L3MBTL4: variants seen among roughly 807,000 people sequenced by gnomAD.
L3MBTL4 encodes the protein lethal(3)malignant brain tumor-like protein 4.
In L3MBTL4, 70 loss-of-function variants were observed where a neutral mutation model predicts 84.5. The observed-to-expected ratio is 0.83, with a 90% CI of 0.68 to 1.01. The LOEUF is 1.01. L3MBTL4 is among the 50% of genes least tolerant of loss of function. The probability of loss-of-function intolerance (pLI) is 0.00; values close to 1 mark genes in which losing one functional copy is unlikely to be tolerated. For synonymous variants in L3MBTL4, 274 were observed against 259.8 expected, an observed-to-expected ratio of 1.05 and a Z score of -0.52; for missense variants, 715 against 754.8, an observed-to-expected ratio of 0.95 and a Z score of 0.62.
chr18:6,215,640 T>A (rs925019751), intron 11 of L3MBTL4, 110 bp downstream of exon 11: 15 of 521,500 alleles, frequency 2.9e-5, no homozygotes, highest in Non-Finnish European at 5.0e-5. Flanking sequence ...ATGAAATTAC[T>A]ACTTGAATTT....
At position 6,414,713 on chromosome 18, in the gene L3MBTL4, C is replaced by T. The variant is rs2056124084; in HGVS notation, c.-91+88G>A. 6.6e-6 allele frequency: 1 copy of T among 151,918 alleles called. No homozygotes were observed. Among genetic ancestry groups the T allele is most frequent in the Non-Finnish European group, 1.5e-5 (1 of 67,974 alleles). 9.4% of individuals were successfully genotyped at this position (151,918 alleles called of 1,614,324 possible). A position where few individuals can be genotyped will look rare whatever the true frequency, so the allele number is the denominator to read the frequency against. On this transcript the variant is annotated intron_variant, in intron 1 of 18. Transcript: ENST00000317931. This position sits in a 1 kb window ranked among gnomAD's most constrained non-coding sequence, Gnocchi z 5.4. ...AGTCGTGCAGGCCCCTCTACCTGCC[C>T]GGGGATGGGGCCACCCCGCGCGGCG...
At chr18:6,391,717 G>C (rs781738938) in intron 1 of L3MBTL4, among the ~76,000 whole-genome samples, 1 of 133,154 alleles carries the variant, frequency 7.5e-6, no homozygotes, top group Middle Eastern at 4.0e-3. Context: ...AATCAAGAAC[G>C]CAATCCCTTT....
intron 10 of L3MBTL4, among the ~76,000 whole-genome samples, chr18:6,223,122 T>C (rs1311316033): frequency 3.9e-5 from 6 of 151,994 alleles, no homozygotes; most frequent in Admixed American, 3.9e-4. Flanking sequence ...TTCTAGAGAA[T>C]CTAAAAAAAC....
chr18:6,156,264 T>G (rs2043099498), intron 13 of L3MBTL4, among the ~76,000 whole-genome samples: 1 of 152,206 alleles, frequency 6.6e-6, no homozygotes, highest in Admixed American at 6.5e-5. Context: ...TATCTCTCCT[T>G]CTGGTGCCTT....
At chr18:6,062,266 T>G (rs1410377982) in intron 16 of L3MBTL4, among the ~76,000 whole-genome samples, 1 of 151,982 alleles carries the variant, frequency 6.6e-6, no homozygotes, top group Non-Finnish European at 1.5e-5. Flanking sequence ...TTATAGGTTG[T>G]GGGAAATTTC....
intron 1 of L3MBTL4, among the ~76,000 whole-genome samples, chr18:6,340,027 C>T (rs1056328325): frequency 1.3e-5 from 2 of 152,040 alleles, no homozygotes; most frequent in African/African-American, 4.8e-5. Context: ...CACATTCTTC[C>T]AGAGAACAGA....
intron 12 of L3MBTL4, among the ~76,000 whole-genome samples, chr18:6,202,696 A>G (rs1361498380): frequency 6.6e-6 from 1 of 152,180 alleles, no homozygotes; most frequent in Non-Finnish European, 1.5e-5. Context: ...GTAGACTGTA[A>G]GAATGACTCC....
chr18:6,038,877 G>GT (rs952392571), intron 16 of L3MBTL4, among the ~76,000 whole-genome samples: 2 of 152,124 alleles, frequency 1.3e-5, no homozygotes, highest in Middle Eastern at 3.4e-3. Flanking sequence ...ACCCCCTACG[G>GT]TTTTTGGAGA....
At chr18:6,184,416 C>A (rs1473883131) in intron 12 of L3MBTL4, among the ~76,000 whole-genome samples, 1 of 152,088 alleles carries the variant, frequency 6.6e-6, no homozygotes. Context: ...ATGTATAAAT[C>A]CAAATATGTC....
intron 16 of L3MBTL4, among the ~76,000 whole-genome samples, chr18:6,003,526 G>A (rs1213661808): frequency 6.6e-6 from 1 of 151,840 alleles, no homozygotes; most frequent in African/African-American, 2.4e-5. Context: ...AATAAACAGA[G>A]GACTTGTATG....
chr18:6,176,381 C>G (rs954436504), intron 12 of L3MBTL4, among the ~76,000 whole-genome samples: 4 of 152,072 alleles, frequency 2.6e-5, no homozygotes, highest in Non-Finnish European at 5.9e-5. Flanking sequence ...AAACAAAATA[C>G]TGCATATAAA....
intron 16 of L3MBTL4, among the ~76,000 whole-genome samples, chr18:6,028,648 T>C (rs2055628264): frequency 6.6e-6 from 1 of 152,236 alleles, no homozygotes. Flanking sequence ...TTTCATGATA[T>C]TGATTCTTCC....
At chr18:6,126,833 A>T (rs1458409749) in intron 14 of L3MBTL4, among the ~76,000 whole-genome samples, 1 of 152,214 alleles carries the variant, frequency 6.6e-6, no homozygotes, top group African/African-American at 2.4e-5. Flanking sequence ...GGTTCTTTAA[A>T]ATCAGATACT....
chr18:6,257,226 G>T lies in L3MBTL4; in HGVS notation c.219+6721C>A, dbSNP rs183044959. Among the ~76,000 whole-genome samples the T allele has an allele frequency of 2.6e-5, 4 of 152,170 alleles. 1 individual carries two copies. The highest frequency in any genetic ancestry group is 9.6e-5 in the African/African-American group (4 of 41,524). Reference sequence around the variant, plus strand: ...GCAGTGGAGGGCTTACTGAGGCAGCGCAGGTAAAAGCACAGCAAACAATAC... The same window carrying T: ...GCAGTGGAGGGCTTACTGAGGCAGCTCAGGTAAAAGCACAGCAAACAATAC... On this transcript the variant is annotated intron_variant, in intron 5 of 18. Coordinates refer to ENST00000317931, the MANE Select transcript of L3MBTL4 (RefSeq NM_001330559.2).
At chr18:5,993,544 A>AG (rs60426897) in intron 16 of L3MBTL4, among the ~76,000 whole-genome samples, 20,813 of 152,048 alleles carry the variant, frequency 0.14, 1,710 homozygotes, top group East Asian at 0.37. Context: ...TTCTAGAGCA[A>AG]GTTTTTTTTC....
intron 1 of L3MBTL4, among the ~76,000 whole-genome samples, chr18:6,328,519 G>A (rs2051846108): frequency 6.6e-6 from 1 of 152,142 alleles, no homozygotes. Flanking sequence ...TAATACACTG[G>A]CACTGAATCA....
At chr18:6,042,813 C>T (rs1032851819) in intron 16 of L3MBTL4, among the ~76,000 whole-genome samples, 2 of 152,174 alleles carry the variant, frequency 1.3e-5, no homozygotes, top group Non-Finnish European at 2.9e-5. Context: ...CCTCTGTGCA[C>T]ACTATCTGCA....
At chr18:6,265,569 G>A (rs2048593719) in intron 4 of L3MBTL4, among the ~76,000 whole-genome samples, 1 of 152,142 alleles carries the variant, frequency 6.6e-6, no homozygotes, top group Non-Finnish European at 1.5e-5. Flanking sequence ...TATGCTTTAT[G>A]TATTTAATAT....
At chr18:6,246,978 T>C (rs2047691085) in intron 5 of L3MBTL4, among the ~76,000 whole-genome samples, 1 of 152,170 alleles carries the variant, frequency 6.6e-6, no homozygotes, top group Admixed American at 6.5e-5. Context: ...CATGCATAGA[T>C]AGACTTTGCC....
Sources: allele counts gnomAD v4.1 joint callset (sites outside exome capture counted in the v4.1 genomes callset), GRCh38; gene constraint gnomAD v4.1.1; non-coding constraint Gnocchi (gnomAD v3.1); transcripts MANE v1.5; gene names NCBI Gene and HGNC (gene_info 2026-07-23, HGNC 2026-07-21).